Variants in WDR59 observed in about 807,000 individuals in gnomAD.
The protein encoded by WDR59 is WD repeat domain 59, also known as GATOR2 complex protein WDR59.
In WDR59, 100 loss-of-function variants were observed where a neutral mutation model predicts 131.2. The ratio of observed to expected loss-of-function variants is 0.76; its 90% CI spans 0.65 to 0.90. The LOEUF (loss-of-function observed/expected upper bound fraction) is 0.90. WDR59 is among the 40% of genes least tolerant of loss of function. WDR59 has a pLI of 0.00. For missense variants in WDR59, 1,203 were observed against 1,262.2 expected (o/e 0.95, Z 0.71); for synonymous variants, 601 against 466.2 (o/e 1.29, Z -3.72).
At chr16:74,949,327 T>G in intron 5 of WDR59, among the ~76,000 whole-genome samples, 1 of 87,098 alleles carries the variant, frequency 1.1e-5, no homozygotes, top group Admixed American at 1.6e-4. Flanking sequence ...TAATACCTTG[T>G]CTCAAAAAAA....
rs112888966 is a variant in WDR59, at chr16:74,976,727, G to A, written c.54+8237C>T. ...AAGTGCTGGGATTACAGGTGTGAGC[G>A]ACCAAGCCCGGCCTAAACATTTTTC... On this transcript the variant is annotated intron_variant, in intron 1 of 25. Coordinates refer to ENST00000262144, the MANE Select transcript of WDR59 (RefSeq NM_030581.4). 1.6e-3 allele frequency among the ~76,000 whole-genome samples: 248 copies of A among 152,204 alleles called. 1 individual carries two copies. The highest frequency in any genetic ancestry group is 1.0e-3 in the Non-Finnish European group (69 of 68,012).
rs527717246 is a variant in WDR59 at position 74,909,599 on chromosome 16, G to A, written c.1544C>T (p.Pro515Leu). 2 of 1,609,470 alleles carry A rather than the reference G, an allele frequency of 1.2e-6. No individual in the cohort carries two copies. The highest frequency in any genetic ancestry group is 1.7e-5 in the Admixed American group (1 of 59,132). Residue 515 changes from proline to leucine, a missense_variant, in exon 16 of 26, where the codon CCC becomes CTC. Coordinates refer to ENST00000262144, the MANE Select transcript of WDR59 (RefSeq NM_030581.4). ...PFALPNSVTPPLPTFARVTTA... is the reference protein window; with the variant it reads ...PFALPNSVTPLLPTFARVTTA... ...GGTCACCCGCGCAAACGTCGGTAAG[G>A]GGGGAGTGACAGAGTTGGGGAGTGC... is the stretch of plus-strand genomic sequence containing the variant.
At chr16:74,900,282 G>T (rs1965490554) in intron 18 of WDR59, among the ~76,000 whole-genome samples, 1 of 152,108 alleles carries the variant, frequency 6.6e-6, no homozygotes, top group South Asian at 2.1e-4. Flanking sequence ...GGGCCTGCAG[G>T]ACTATCTTCA....
chr16:74,905,891 A>C (rs2144900587), intron 17 of WDR59, among the ~76,000 whole-genome samples: 2 of 152,216 alleles, frequency 1.3e-5, no homozygotes, highest in East Asian at 3.9e-4. Context: ...AGAAACAAAT[A>C]AGATACAGTT....
chr16:74,929,985 A>G (rs914675927), intron 8 of WDR59, among the ~76,000 whole-genome samples: 1 of 152,222 alleles, frequency 6.6e-6, no homozygotes, highest in Non-Finnish European at 1.5e-5. Context: ...AATTAAAACA[A>G]TTGAACTCAT....
chr16:74,902,769 C>T (rs965974124), intron 18 of WDR59, among the ~76,000 whole-genome samples: 1 of 152,030 alleles, frequency 6.6e-6, no homozygotes, highest in Non-Finnish European at 1.5e-5. Flanking sequence ...CAGTTACCTG[C>T]AAACATGTGG....
chr16:74,951,240 T>C (rs188724088), intron 4 of WDR59, among the ~76,000 whole-genome samples: 27 of 150,976 alleles, frequency 1.8e-4, no homozygotes, highest in Non-Finnish European at 3.5e-4. Flanking sequence ...TGGTCTGGGA[T>C]GGGGGTCAAC....
chr16:74,928,518 T>A (rs1425079288), intron 8 of WDR59, among the ~76,000 whole-genome samples: 1 of 151,968 alleles, frequency 6.6e-6, no homozygotes. Flanking sequence ...TGCGCCCAGC[T>A]TTTTTCCCTG....
intron 3 of WDR59, 102 bp downstream of exon 3, chr16:74,956,373 G>T: frequency 7.1e-7 from 1 of 1,401,626 alleles, no homozygotes; most frequent in South Asian, 1.6e-5. Flanking sequence ...TTTTCCAAAT[G>T]AGCAATGAGG....
intron 18 of WDR59, among the ~76,000 whole-genome samples, chr16:74,902,888 G>A (rs1163286806): frequency 6.6e-6 from 1 of 151,862 alleles, no homozygotes; most frequent in Non-Finnish European, 1.5e-5. Context: ...CATCAGAGAT[G>A]TGAGGAAGGG....
At chr16:74,921,831 G>A (rs2030261842) in intron 10 of WDR59, 116 bp downstream of exon 10, 1 of 1,328,766 alleles carries the variant, frequency 7.5e-7, no homozygotes. Context: ...TGGCTCTCTG[G>A]TTCCTAAAGC....
intron 3 of WDR59, among the ~76,000 whole-genome samples, chr16:74,952,705 G>A (rs2033074361): frequency 6.6e-6 from 1 of 151,370 alleles, no homozygotes; most frequent in East Asian, 1.9e-4. Context: ...GAAACACACT[G>A]AAAGTGATAA....
At chr16:74,884,955 A>G (rs1964682931) in intron 25 of WDR59, among the ~76,000 whole-genome samples, 1 of 151,978 alleles carries the variant, frequency 6.6e-6, no homozygotes, top group East Asian at 1.9e-4. Context: ...CTGCCCCCAC[A>G]TCGTTTCTGT....
intron 18 of WDR59, among the ~76,000 whole-genome samples, chr16:74,898,323 T>A (rs533731514): frequency 6.6e-6 from 1 of 152,174 alleles, no homozygotes; most frequent in Non-Finnish European, 1.5e-5. Context: ...TATGGATACC[T>A]CTCTATGCAG....
intron 23 of WDR59, among the ~76,000 whole-genome samples, chr16:74,887,152 AC>A (rs1258793539): frequency 2.6e-5 from 4 of 152,230 alleles, no homozygotes; most frequent in African/African-American, 9.6e-5. Context: ...ATCAATAATT[AC>A]AATTTTCTTC....
chr16:74,878,731 C>T (rs1010117169), intron 25 of WDR59, among the ~76,000 whole-genome samples: 1 of 152,134 alleles, frequency 6.6e-6, no homozygotes, highest in East Asian at 1.9e-4. Flanking sequence ...AAACATTTTA[C>T]GGGATGAATT....
intron 14 of WDR59, among the ~76,000 whole-genome samples, chr16:74,910,241 T>G (rs1203053316): frequency 1.3e-5 from 2 of 152,126 alleles, no homozygotes; most frequent in Non-Finnish European, 2.9e-5. Flanking sequence ...GTGCTGGGAT[T>G]ACAGACATGA....
intron 7 of WDR59, 64 bp downstream of exon 7, chr16:74,942,674 A>G: frequency 1.3e-6 from 2 of 1,550,062 alleles, no homozygotes; most frequent in Non-Finnish European, 1.8e-6. Context: ...GCACTCATAA[A>G]ATCATCTTCA....
chr16:74,928,699 C>G (rs1025689010), intron 8 of WDR59, among the ~76,000 whole-genome samples: 1 of 151,938 alleles, frequency 6.6e-6, no homozygotes, highest in Non-Finnish European at 1.5e-5. Flanking sequence ...GTCAGGAGTT[C>G]GAGACCAGCC....
Sources: allele counts gnomAD v4.1 joint callset (sites outside exome capture counted in the v4.1 genomes callset), GRCh38; gene constraint gnomAD v4.1.1; transcripts MANE v1.5; gene names NCBI Gene and HGNC (gene_info 2026-07-23, HGNC 2026-07-21).